The following LYRM4 variants were observed in gnomAD, a reference collection of about 807,000 sequenced individuals.
LYRM4 encodes the protein LYR motif-containing protein 4.
LYRM4 carries 9 observed loss-of-function variants against 11.7 expected under a neutral mutation model. That is an observed-to-expected ratio of 0.77 (90% CI 0.46 to 1.34). The LOEUF (loss-of-function observed/expected upper bound fraction) is 1.34, where lower values mean the gene tolerates loss of function less well. LYRM4 is among the 40% of genes most tolerant of loss of function. The probability of loss-of-function intolerance (pLI) is 0.00; values close to 1 mark genes in which losing one functional copy is unlikely to be tolerated. For synonymous variants in LYRM4, 42 were observed against 40.4 expected (o/e 1.04, Z -0.15); for missense variants, 133 against 112.5 (o/e 1.18, Z -0.82).
intron 2 of LYRM4, among the ~76,000 whole-genome samples, chr6:5,184,901 C>A (rs970031827): frequency 6.6e-6 from 1 of 152,202 alleles, no homozygotes; most frequent in African/African-American, 2.4e-5. Context: ...TCTGATTACA[C>A]TTGGAAGGGC....
At chr6:5,047,909 T>G in the LYRM4 span, among the ~76,000 whole-genome samples, 12 of 152,220 alleles carry the variant, frequency 7.9e-5, no homozygotes, top group Non-Finnish European at 4.4e-5. Flanking sequence ...GTGGGGGTTA[T>G]GAGGAAGGGT....
chr6:5,206,022 T>C (rs1166794685), intron 2 of LYRM4, among the ~76,000 whole-genome samples: 2 of 152,170 alleles, frequency 1.3e-5, no homozygotes, highest in Non-Finnish European at 2.9e-5. Flanking sequence ...AACTCAGCAT[T>C]ACATCATCCA....
intron 2 of LYRM4, among the ~76,000 whole-genome samples, chr6:5,185,618 G>C (rs1392742770): frequency 6.6e-6 from 1 of 152,136 alleles, no homozygotes; most frequent in Admixed American, 6.5e-5. Flanking sequence ...TCCAGGAGGA[G>C]AGACAAGCCC....
At chr6:5,187,021 T>C in intron 2 of LYRM4, 4 of 962,520 alleles carry the variant, frequency 4.2e-6, no homozygotes, top group South Asian at 9.6e-5. Flanking sequence ...GAATAGTAAA[T>C]GGGGCCCCAA....
At chr6:5,220,191 G>A (rs1762504863) in intron 1 of LYRM4, among the ~76,000 whole-genome samples, 1 of 152,128 alleles carries the variant, frequency 6.6e-6, no homozygotes, top group Admixed American at 6.5e-5. Context: ...TTTCCCTGTT[G>A]CACAGCAGGC....
intron 2 of LYRM4, among the ~76,000 whole-genome samples, chr6:5,209,482 C>T (rs1761878908): frequency 6.6e-6 from 1 of 152,082 alleles, no homozygotes. Context: ...TTGATTTAAT[C>T]GTAGTTGATT....
In LYRM4 at chr6:5,109,417, G is replaced by C. The variant is rs759428581; in HGVS notation, c.*6C>G. On this transcript the variant is annotated 3_prime_UTR_variant, in exon 3 of 3. Coordinates refer to ENST00000330636, the MANE Select transcript of LYRM4 (RefSeq NM_020408.6). ...TGGCCGCCACTGGTGGCTGGTCCCC[G>C]GCTTGCTAGGTCCTGGGCATGTCTC... 6.2e-7 allele frequency: 1 copy of C among 1,613,858 alleles called. No homozygotes were observed. Among genetic ancestry groups the C allele is most frequent in the African/African-American group, 1.3e-5 (1 of 74,918 alleles).
intron 2 of LYRM4, among the ~76,000 whole-genome samples, chr6:5,185,412 T>C (rs1184065878): frequency 6.6e-6 from 1 of 152,104 alleles, no homozygotes; most frequent in Non-Finnish European, 1.5e-5. Context: ...TCTGTAGACA[T>C]ACCAACAAAT....
intron 2 of LYRM4, among the ~76,000 whole-genome samples, chr6:5,174,121 C>T (rs1240664467): frequency 1.3e-5 from 2 of 152,092 alleles, no homozygotes; most frequent in Non-Finnish European, 2.9e-5. Context: ...TGTTGTCAGA[C>T]CTGATGTTTT....
intron 2 of LYRM4, among the ~76,000 whole-genome samples, chr6:5,168,198 A>G (rs1374813753): frequency 6.6e-6 from 1 of 152,194 alleles, no homozygotes; most frequent in East Asian, 1.9e-4. Context: ...GCTACGTACA[A>G]AATCATCTTC....
chr6:5,189,518 G>C (rs1194700446), intron 2 of LYRM4, among the ~76,000 whole-genome samples: 1 of 152,226 alleles, frequency 6.6e-6, no homozygotes, highest in Non-Finnish European at 1.5e-5. Context: ...GCTGTCTGAA[G>C]GCCAGTAAGC....
intron 2 of LYRM4, among the ~76,000 whole-genome samples, chr6:5,193,510 T>A (rs956146159): frequency 6.6e-6 from 1 of 152,198 alleles, no homozygotes; most frequent in Non-Finnish European, 1.5e-5. Context: ...TTCTGTGTGT[T>A]GTGTTTCTGT....
chr6:5,195,871 T>C (rs762351766), intron 2 of LYRM4, among the ~76,000 whole-genome samples: 1 of 152,204 alleles, frequency 6.6e-6, no homozygotes. Context: ...TCTATCACTG[T>C]ATCCCCAGAA....
At chr6:5,249,902 C>T (rs1764354825) in intron 1 of LYRM4, among the ~76,000 whole-genome samples, 1 of 152,114 alleles carries the variant, frequency 6.6e-6, no homozygotes, top group South Asian at 2.1e-4. Flanking sequence ...CATGAAGTAC[C>T]TTTCATCCTC....
intron 2 of LYRM4, among the ~76,000 whole-genome samples, chr6:5,186,023 T>G (rs1043008130): frequency 2.0e-5 from 3 of 152,004 alleles, no homozygotes; most frequent in Non-Finnish European, 4.4e-5. Context: ...GGCACGCACA[T>G]GTTTTTGGCA....
chr6:5,248,163 T>C (rs1483788695), intron 1 of LYRM4, among the ~76,000 whole-genome samples: 1 of 152,254 alleles, frequency 6.6e-6, no homozygotes, highest in Non-Finnish European at 1.5e-5. Context: ...TCCAATGATA[T>C]TCTCATAACC....
intron 2 of LYRM4, among the ~76,000 whole-genome samples, chr6:5,137,450 A>C (rs1045682272): frequency 6.6e-6 from 1 of 152,182 alleles, no homozygotes; most frequent in Non-Finnish European, 1.5e-5. Flanking sequence ...CAGACAAGCA[A>C]AAACCAAGCT....
chr6:5,195,506 C>T (rs926088834), intron 2 of LYRM4, among the ~76,000 whole-genome samples: 3 of 152,092 alleles, frequency 2.0e-5, no homozygotes, highest in South Asian at 2.1e-4. Flanking sequence ...TGGTGGCATG[C>T]GCCTGTAGTC....
the LYRM4 span, among the ~76,000 whole-genome samples, chr6:5,082,405 C>G: frequency 1.3e-5 from 2 of 152,154 alleles, no homozygotes; most frequent in African/African-American, 4.8e-5. Context: ...CCCTCTATTC[C>G]TCTTCTGGGG....
Sources: gnomAD v4.1 joint callset for allele counts (sites outside exome capture counted in the v4.1 genomes callset) on GRCh38, gnomAD v4.1.1 for gene constraint, MANE v1.5 for transcripts, NCBI Gene and HGNC (gene_info 2026-07-23, HGNC 2026-07-21) for gene names.